VAX2: variants seen among roughly 807,000 people sequenced by gnomAD.
The protein encoded by VAX2 is ventral anterior homeobox 2.
VAX2 carries 8 observed loss-of-function variants against 12.5 expected under a neutral mutation model. That is an observed-to-expected ratio of 0.64 (90% confidence interval 0.37 to 1.15). VAX2 has a LOEUF of 1.15. Ranked by LOEUF, VAX2 falls within the 50% of genes most tolerant of loss-of-function variation. The pLI, the probability that VAX2 is intolerant of heterozygous loss-of-function variation, is 0.01. For missense variants in VAX2, 476 were observed against 412.9 expected, an observed-to-expected ratio of 1.15 and a Z score of -1.32; for synonymous variants, 183 against 187.6, an observed-to-expected ratio of 0.98 and a Z score of 0.20.
chr2:70,912,181 G>A (rs1042264443), intron 1 of VAX2, among the ~76,000 whole-genome samples: 44 of 152,128 alleles, frequency 2.9e-4, no homozygotes, highest in Admixed American at 2.6e-3. Context: ...AGTTGCTGTA[G>A]ATTTGTAACA....
intron 2 of VAX2, among the ~76,000 whole-genome samples, chr2:70,927,549 T>TGGTATCTGTGTATCTAGG: frequency 6.7e-6 from 1 of 150,364 alleles, no homozygotes; most frequent in South Asian, 2.1e-4. Flanking sequence ...TCAGATTAAG[T>TGGTATCTGTGTATCTAGG]ATGGGCCCAT....
chr2:70,932,489 C>T (rs758265497), intron 2 of VAX2, among the ~76,000 whole-genome samples: 4 of 152,036 alleles, frequency 2.6e-5, no homozygotes, highest in Non-Finnish European at 5.9e-5. Flanking sequence ...CGATCCATTC[C>T]TCCATCCTAG....
intron 2 of VAX2, among the ~76,000 whole-genome samples, chr2:70,923,633 A>G (rs1163309248): frequency 3.3e-5 from 5 of 152,202 alleles, no homozygotes; most frequent in African/African-American, 1.2e-4. Context: ...ATTCACTAGA[A>G]TGACGCACAC....
rs1308627207 is a variant in VAX2, at chr2:70,932,695, C to T, written c.436-72C>T. ...AACCCCATGCCCTTCCTCTCCTTTC[C>T]TCCTCCCACCTGCCCCCACTTTGCT... On this transcript the variant is annotated intron_variant, in intron 2 of 2. Transcript: ENST00000234392. 19 of 811,444 alleles carry T rather than the reference C, an allele frequency of 2.3e-5. No homozygotes were observed. The African/African-American group carries it at 2.9e-4, about 13-fold the overall frequency. 50.3% of individuals were successfully genotyped at this position (811,444 alleles called of 1,614,324 possible).
rs376990356 is a variant in VAX2, at chr2:70,933,023, C to T, written c.692C>T (p.Pro231Leu). 7.5e-6 allele frequency: 12 copies of T among 1,598,078 alleles called. No individual in the cohort carries two copies. The highest frequency in any genetic ancestry group is 3.5e-5 in the Admixed American group (2 of 57,798). The change falls in exon 3 of 3, where the codon CCG becomes CTG. Residue 231 changes from proline (P) to leucine (L), a missense_variant. By Grantham distance (98) the Pro-to-Leu change is moderately conservative. Coordinates refer to ENST00000234392, the MANE Select transcript of VAX2 (RefSeq NM_012476.3). Reference sequence around the variant, plus strand: ...AGGAACTCCTCCCCACGCCTCAACCCGCTGTCCTCGGCCTCAGCGTCCCCC... The same window carrying T: ...AGGAACTCCTCCCCACGCCTCAACCTGCTGTCCTCGGCCTCAGCGTCCCCC... ...DPRNSSPRLN[P>L]LSSASASPPL...
chr2:70,905,103 G>A (rs1679021559), intron 1 of VAX2, among the ~76,000 whole-genome samples: 1 of 152,022 alleles, frequency 6.6e-6, no homozygotes, highest in South Asian at 2.1e-4. Context: ...ACAGCCACTG[G>A]GCTTGGGGAG....
intron 1 of VAX2, among the ~76,000 whole-genome samples, chr2:70,912,242 T>C (rs1679201409): frequency 6.6e-6 from 1 of 152,374 alleles, no homozygotes; most frequent in African/African-American, 2.4e-5. Flanking sequence ...TAACTTTTTT[T>C]GTTGACTATC....
At chr2:70,905,362 C>A (rs781833939) in intron 1 of VAX2, among the ~76,000 whole-genome samples, 5 of 152,024 alleles carry the variant, frequency 3.3e-5, no homozygotes, top group Non-Finnish European at 7.4e-5. Context: ...AGTTGCTTTA[C>A]GTTATTTTTT....
At chr2:70,909,171 T>C (rs1433824858) in intron 1 of VAX2, among the ~76,000 whole-genome samples, 2 of 152,062 alleles carry the variant, frequency 1.3e-5, no homozygotes, top group African/African-American at 4.8e-5. Context: ...TATGTCATTA[T>C]ATTTATTTTT....
Position 70,921,101 on chromosome 2 carries a change from C to T in VAX2, c.251C>T (p.Ala84Val). Reference sequence around the variant, plus strand: ...GCTCCTTTCATGGCCTCTGCAGATGCCAAAGGGACAATTCGGGAAATTGTC... The same window carrying T: ...GCTCCTTTCATGGCCTCTGCAGATGTCAAAGGGACAATTCGGGAAATTGTC... The part of the protein sequence containing the change: ...DHCRRILVRD[A>V]KGTIREIVLP... Residue 84 changes from alanine to valine, a missense_variant, in exon 2 of 3, where the codon GCC (alanine) becomes GTC (valine). By Grantham distance (64) the Ala-to-Val change is moderately conservative (BLOSUM62 0). Coordinates refer to ENST00000234392, the MANE Select transcript of VAX2 (RefSeq NM_012476.3). 6.3e-7 allele frequency: 1 copy of T among 1,594,832 alleles called. No individual in the cohort carries two copies. Among genetic ancestry groups the T allele is most frequent in the Non-Finnish European group, 8.5e-7 (1 of 1,170,694 alleles).
chr2:70,919,108 AG>A (rs1553412447), intron 1 of VAX2, among the ~76,000 whole-genome samples: 24 of 7,974 alleles, frequency 3.0e-3, no homozygotes, highest in Middle Eastern at 0.028. Context: ...AGGCTGAGGC[AG>A]GAGAATCACT....
In VAX2 at chr2:70,904,977, G is replaced by T. The variant is rs1553410403; in HGVS notation, c.247+4109G>T. On this transcript the variant is annotated intron_variant, in intron 1 of 2. Transcript: ENST00000234392. The surrounding 1 kb of genome is among the most constrained non-coding windows in gnomAD (Gnocchi z 4.2). ...GCGTCTGAAGAAGCCATACAAGGGG[G>T]CGCAGCTTCGGGGCTCTGGCTGGGA... is the stretch of plus-strand genomic sequence containing the variant. Among the ~76,000 whole-genome samples the T allele has an allele frequency of 6.6e-6, 1 of 152,218 alleles. No homozygotes were observed. The highest frequency in any genetic ancestry group is 1.9e-4 in the East Asian group (1 of 5,176).
intron 1 of VAX2, among the ~76,000 whole-genome samples, chr2:70,908,136 CA>C (rs1367647534): frequency 3.9e-5 from 6 of 152,216 alleles, no homozygotes; most frequent in African/African-American, 1.4e-4. Flanking sequence ...AAGATTTACA[CA>C]CACAATTTAA....
chr2:70,900,603 G>T lies in VAX2; in HGVS notation c.-19G>T, dbSNP rs1186600881. ...CGTAGGCTGGCTCCGCCGTAGAGGGGTTGGCAGTGGCGGTCAGCATGGGCG... is the reference window on the plus strand; with the variant it reads ...CGTAGGCTGGCTCCGCCGTAGAGGGTTTGGCAGTGGCGGTCAGCATGGGCG... On this transcript the variant is annotated 5_prime_UTR_variant, in exon 1 of 3. Transcript: ENST00000234392. 1.6e-6 allele frequency: 2 copies of T among 1,257,376 alleles called. No homozygotes were observed. Among genetic ancestry groups the T allele is most frequent in the African/African-American group, 3.1e-5 (2 of 64,378 alleles). 77.9% of individuals were successfully genotyped at this position (1,257,376 alleles called of 1,614,324 possible). A position where few individuals can be genotyped will look rare whatever the true frequency, so the allele number is the denominator to read the frequency against.
At chr2:70,906,520 C>CTTTTTTTTTTTTTTTTTTTTTTTT (rs869309305) in intron 1 of VAX2, among the ~76,000 whole-genome samples, 4 of 60,606 alleles carry the variant, frequency 6.6e-5, no homozygotes, top group Non-Finnish European at 8.2e-5. Context: ...TTTTCTTTTC[C>CTTTTTTTTTTTTTTTTTTTTTTTT]TTTTTTTTTT....
chr2:70,913,074 C>T (rs947834481), intron 1 of VAX2, among the ~76,000 whole-genome samples: 1 of 152,184 alleles, frequency 6.6e-6, no homozygotes, highest in South Asian at 2.1e-4. Flanking sequence ...GTAAGATAGG[C>T]TATATTTTGC....
At chr2:70,932,564 C>A (rs1190601515) in intron 2 of VAX2, among the ~76,000 whole-genome samples, 1 of 151,852 alleles carries the variant, frequency 6.6e-6, no homozygotes, top group Non-Finnish European at 1.5e-5. Context: ...CTAATCAGTT[C>A]GCCTACAGCA....
chr2:70,920,111 T>C (rs1312596866), intron 1 of VAX2, among the ~76,000 whole-genome samples: 3 of 152,228 alleles, frequency 2.0e-5, no homozygotes, highest in African/African-American at 7.2e-5. Context: ...TTGCCAATGC[T>C]AAGTAATGGA....
At position 70,921,213 on chromosome 2, in the gene VAX2, C is replaced by T; in HGVS notation, c.363C>T (p.Phe121=). 6.2e-7 allele frequency: 1 copy of T among 1,613,608 alleles called. No individual in the cohort carries two copies. Among genetic ancestry groups the T allele is most frequent in the Non-Finnish European group, 8.5e-7 (1 of 1,179,928 alleles). ...AEQLYRLEME[F]QRCQYVVGRE... ...AGCTGTACCGCCTGGAGATGGAGTT[C>T]CAGCGCTGCCAGTATGTGGTGGGCC... is the stretch of plus-strand genomic sequence containing the variant. The change falls in exon 2 of 3, where the codon TTC becomes TTT. Residue 121 remains phenylalanine (F), a synonymous_variant. Coordinates refer to ENST00000234392, the MANE Select transcript of VAX2 (RefSeq NM_012476.3).
Sources: allele counts gnomAD v4.1 joint callset (sites outside exome capture counted in the v4.1 genomes callset), GRCh38; gene constraint gnomAD v4.1.1; non-coding constraint Gnocchi (gnomAD v3.1); transcripts MANE v1.5; gene names NCBI Gene and HGNC (gene_info 2026-07-23, HGNC 2026-07-21).